Variants in METTL16 observed in about 807,000 individuals in gnomAD.
The protein encoded by METTL16 is methyltransferase 16, RNA N6-adenosine, also known as RNA N(6)-adenosine-methyltransferase METTL16.
A neutral mutation model predicts 57.9 loss-of-function variants in METTL16; 19 were observed. That is an observed-to-expected ratio of 0.33 (90% CI 0.23 to 0.48). The LOEUF is 0.48. Among genes scored for constraint, METTL16 ranks in the 20% least tolerant of loss-of-function variants. The pLI is 0.99. For synonymous variants in METTL16, 246 were observed against 255.6 expected (o/e 0.96, Z 0.36); for missense variants, 434 against 691.5 (o/e 0.63, Z 4.18).
At chr17:2,440,873 G>A (rs2151550021) in intron 7 of METTL16, among the ~76,000 whole-genome samples, 1 of 149,798 alleles carries the variant, frequency 6.7e-6, no homozygotes, top group Middle Eastern at 3.5e-3. Context: ...TCAGGAGGCT[G>A]AGGTAGGAGG....
intron 3 of METTL16, among the ~76,000 whole-genome samples, chr17:2,474,538 C>T (rs1177662816): frequency 1.3e-5 from 2 of 151,990 alleles, no homozygotes; most frequent in Non-Finnish European, 2.9e-5. Context: ...GGCAAACGCT[C>T]CATGCAAAAA....
chr17:2,504,447 A>G (rs1018874614), intron 1 of METTL16, among the ~76,000 whole-genome samples: 1 of 152,224 alleles, frequency 6.6e-6, no homozygotes, highest in Non-Finnish European at 1.5e-5. Context: ...AAATCAAGGG[A>G]AGAAAGCTGA....
rs376033200 is a variant in METTL16 at position 2,444,193 on chromosome 17, C to T, written c.729-2634G>A. ...ATTAAAATGGAGTTGAGGCCGGGCA[C>T]GGTGGCTCACACTTTGGGAGGCTAA... is the stretch of plus-strand genomic sequence containing the variant. On this transcript the variant is annotated intron_variant, in intron 6 of 9. Coordinates refer to ENST00000263092, the MANE Select transcript of METTL16 (RefSeq NM_024086.4). 1.4e-4 allele frequency among the ~76,000 whole-genome samples: 21 copies of T among 152,172 alleles called. No homozygotes were observed. The East Asian group carries it at 3.1e-3, about 22-fold the overall frequency.
chr17:2,496,007 G>T (rs1407952069), intron 2 of METTL16, among the ~76,000 whole-genome samples: 3 of 151,496 alleles, frequency 2.0e-5, no homozygotes, highest in African/African-American at 7.3e-5. Context: ...CTACTCAGGA[G>T]GCTGAGGCAG....
intron 6 of METTL16, among the ~76,000 whole-genome samples, chr17:2,454,435 A>C (rs947507365): frequency 2.0e-5 from 3 of 152,080 alleles, no homozygotes; most frequent in African/African-American, 7.2e-5. Context: ...ACCTGATCTC[A>C]AAATTTACTA....
chr17:2,440,851 A>G (rs1851521276), intron 7 of METTL16, among the ~76,000 whole-genome samples: 1 of 151,738 alleles, frequency 6.6e-6, no homozygotes, highest in Non-Finnish European at 1.5e-5. Flanking sequence ...ATCTGCCTAT[A>G]GTCCCAGCTA....
At chr17:2,480,122 G>T (rs1014994474) in intron 2 of METTL16, among the ~76,000 whole-genome samples, 1 of 150,440 alleles carries the variant, frequency 6.6e-6, no homozygotes, top group African/African-American at 2.5e-5. Flanking sequence ...GAAGGCAGAG[G>T]TTGCAGTGAG....
intron 2 of METTL16, among the ~76,000 whole-genome samples, chr17:2,492,761 G>C (rs2067408358): frequency 1.3e-5 from 2 of 151,722 alleles, no homozygotes; most frequent in African/African-American, 2.4e-5. Flanking sequence ...GCCAGGTGTG[G>C]TGGTTGGCAC....
chr17:2,506,626 C>T (rs1468728761), intron 1 of METTL16, among the ~76,000 whole-genome samples: 2 of 151,882 alleles, frequency 1.3e-5, no homozygotes. Flanking sequence ...GGCGTAATCG[C>T]GGCTCGCTAC....
At chr17:2,488,978 T>G (rs964579560) in intron 2 of METTL16, among the ~76,000 whole-genome samples, 1 of 152,182 alleles carries the variant, frequency 6.6e-6, no homozygotes, top group Non-Finnish European at 1.5e-5. Context: ...AATTAGATAG[T>G]AATATACAAA....
intron 5 of METTL16, among the ~76,000 whole-genome samples, chr17:2,465,183 T>A (rs1009123660): frequency 3.3e-5 from 5 of 152,146 alleles, no homozygotes; most frequent in African/African-American, 4.8e-5. Flanking sequence ...TCATCAGTCA[T>A]CAGGGAAATC....
At chr17:2,471,771 A>G (rs982865631) in intron 4 of METTL16, among the ~76,000 whole-genome samples, 1 of 152,064 alleles carries the variant, frequency 6.6e-6, no homozygotes, top group African/African-American at 2.4e-5. Flanking sequence ...CTGGCGACAG[A>G]GCGAGACTCC....
At chr17:2,477,479 C>T (rs906255563) in intron 3 of METTL16, 20 of 559,900 alleles carry the variant, frequency 3.6e-5, no homozygotes, top group East Asian at 1.5e-4. Flanking sequence ...AACGCTCCAA[C>T]GCACATTGCC....
intron 2 of METTL16, among the ~76,000 whole-genome samples, chr17:2,495,164 A>T (rs2067433533): frequency 6.6e-6 from 1 of 151,608 alleles, no homozygotes. Context: ...AGATGGGGTG[A>T]AACAACAACG....
At chr17:2,507,384 C>A (rs1212937288) in intron 1 of METTL16, among the ~76,000 whole-genome samples, 4 of 146,296 alleles carry the variant, frequency 2.7e-5, no homozygotes, top group Admixed American at 2.7e-4. Flanking sequence ...GTGGGGGGGT[C>A]AGCCCCCAGC....
At chr17:2,502,963 T>C (rs1284489247) in intron 1 of METTL16, among the ~76,000 whole-genome samples, 1 of 152,140 alleles carries the variant, frequency 6.6e-6, no homozygotes, top group African/African-American at 2.4e-5. Flanking sequence ...TCTGCAAGGA[T>C]GTGAAGAAAT....
chr17:2,489,376 C>T (rs536306725), intron 2 of METTL16, among the ~76,000 whole-genome samples: 363 of 152,098 alleles, frequency 2.4e-3, no homozygotes, highest in Non-Finnish European at 3.9e-3. Flanking sequence ...TGATTTCGGC[C>T]GGGCGCAGTG....
chr17:2,427,981 G>C (rs2066832153), intron 8 of METTL16, among the ~76,000 whole-genome samples: 1 of 150,812 alleles, frequency 6.6e-6, no homozygotes, highest in African/African-American at 2.4e-5. Context: ...GCTGGATGTG[G>C]TGGCAAGGAA....
rs550142857 is a variant in METTL16 at position 2,444,188 on chromosome 17, G to A, written c.729-2629C>T. ...ATAAGATTAAAATGGAGTTGAGGCCGGGCACGGTGGCTCACACTTTGGGAG... is the reference window on the plus strand; with the variant it reads ...ATAAGATTAAAATGGAGTTGAGGCCAGGCACGGTGGCTCACACTTTGGGAG... On this transcript the variant is annotated intron_variant, in intron 6 of 9. Transcript: ENST00000263092. 3.0e-4 allele frequency among the ~76,000 whole-genome samples: 45 copies of A among 152,156 alleles called. No homozygotes were observed. In the South Asian group the frequency reaches 8.7e-3, roughly 29 times the overall value.
Sources: gnomAD v4.1 joint callset for allele counts (sites outside exome capture counted in the v4.1 genomes callset) on GRCh38, gnomAD v4.1.1 for gene constraint, MANE v1.5 for transcripts, NCBI Gene and HGNC (gene_info 2026-07-23, HGNC 2026-07-21) for gene names.